MCOLN2: variants seen among roughly 807,000 people sequenced by gnomAD.
MCOLN2 encodes mucolipin TRP cation channel 2.
A neutral mutation model predicts 67.5 loss-of-function variants in MCOLN2; 57 were observed. The observed-to-expected ratio is 0.84, with a 90% confidence interval of 0.68 to 1.05. The LOEUF (loss-of-function observed/expected upper bound fraction) is 1.05, where lower values mean the gene tolerates loss of function less well. Among genes scored for constraint, MCOLN2 ranks in the 50% least tolerant of loss-of-function variants. MCOLN2 has a pLI of 0.00. For synonymous variants in MCOLN2, 246 were observed against 233.3 expected, an observed-to-expected ratio of 1.05 and a Z score of -0.50; for missense variants, 620 against 678.8, an observed-to-expected ratio of 0.91 and a Z score of 0.96.
chr1:84,976,043 T>C (rs933045632), intron 1 of MCOLN2, among the ~76,000 whole-genome samples: 2 of 151,552 alleles, frequency 1.3e-5, no homozygotes, highest in Non-Finnish European at 2.9e-5. Context: ...ATCCAGGAAA[T>C]AGCCTCAAAA....
At position 84,926,720 on chromosome 1, in the gene MCOLN2, T is replaced by A; in HGVS notation, c.1666A>T (p.Lys556Ter). 1.3e-6 allele frequency: 2 copies of A among 1,593,948 alleles called. No individual in the cohort carries two copies. The highest frequency in any genetic ancestry group is 1.7e-6 in the Non-Finnish European group (2 of 1,167,630). The change falls in exon 14 of 14, where the codon AAA becomes TAA. Residue 556 changes from lysine to a stop codon, truncating the protein, a stop_gained and splice_region_variant. Transcript: ENST00000370608. LOFTEE classifies it high-confidence loss of function. Reference protein sequence around the residue: ...FLSCICCRRRKRSDDHLIPIS With the variant: ...FLSCICCRRR The stretch of plus-strand genomic sequence containing the variant: ...GGTATCAAGTGATCATCACTTCTTT[T>A]CCTGTAACAGAAAGGGAAAGAAGAA...
At chr1:84,947,265 G>A (rs916151845) in intron 6 of MCOLN2, 133 bp from the exon 7 acceptor site, 2 of 595,840 alleles carry the variant, frequency 3.4e-6, no homozygotes, top group Non-Finnish European at 6.1e-6. Context: ...CAGCAAAATG[G>A]CTGACTAGAA....
intron 7 of MCOLN2, among the ~76,000 whole-genome samples, chr1:84,942,013 G>C (rs2102818270): frequency 6.6e-6 from 1 of 152,248 alleles, no homozygotes; most frequent in Middle Eastern, 3.4e-3. Context: ...CAGCCACACT[G>C]ATCTTCCTTC....
At chr1:84,977,212 G>A (rs1404107178) in intron 1 of MCOLN2, among the ~76,000 whole-genome samples, 1 of 151,936 alleles carries the variant, frequency 6.6e-6, no homozygotes, top group African/African-American at 2.4e-5. Flanking sequence ...GTATTTACAA[G>A]CCTCATGGTA....
At chr1:84,954,053 T>C (rs1023144458) in intron 4 of MCOLN2, among the ~76,000 whole-genome samples, 1 of 152,380 alleles carries the variant, frequency 6.6e-6, no homozygotes, top group African/African-American at 2.4e-5. Context: ...TTTGCTTATT[T>C]ATCCTTCCAA....
intron 1 of MCOLN2, among the ~76,000 whole-genome samples, chr1:84,981,324 A>G (rs1342791586): frequency 3.3e-5 from 5 of 152,214 alleles, no homozygotes; most frequent in Non-Finnish European, 7.3e-5. Flanking sequence ...AAAATAAAGG[A>G]AATCAGTAAT....
intron 1 of MCOLN2, among the ~76,000 whole-genome samples, chr1:84,990,306 A>T (rs1390973208): frequency 1.4e-5 from 2 of 143,894 alleles, no homozygotes; most frequent in African/African-American, 5.4e-5. Flanking sequence ...TCAAAAAAAA[A>T]AAAAAAAAAA....
At chr1:84,931,317 G>T in intron 12 of MCOLN2, 45 bp downstream of exon 12, 1 of 1,107,306 alleles carries the variant, frequency 9.0e-7, no homozygotes, top group Non-Finnish European at 1.4e-6. Flanking sequence ...AATCTATATA[G>T]AATTTGCAGT....
At position 84,988,380 on chromosome 1, in the gene MCOLN2, G is replaced by A. The variant is rs574171536; in HGVS notation, c.77+8416C>T. Among the ~76,000 whole-genome samples, 133 of 152,094 alleles carry A rather than the reference G, an allele frequency of 8.7e-4. 4 individuals are homozygous for A. Among genetic ancestry groups the A allele is most frequent in the South Asian group, 6.6e-3 (32 of 4,816 alleles). ...CTGAGGATTTTTAAAATATTTCAGC[G>A]CTTGCCTCTCAGCCCCAAGACATTC... On this transcript the variant is annotated intron_variant, in intron 1 of 13. Transcript: ENST00000370608.
chr1:84,980,443 A>G (rs1457417890), intron 1 of MCOLN2, among the ~76,000 whole-genome samples: 1 of 152,182 alleles, frequency 6.6e-6, no homozygotes, highest in African/African-American at 2.4e-5. Context: ...CCAAAACAGC[A>G]TGGTATTACA....
chr1:84,973,108 A>G (rs986973404), intron 1 of MCOLN2, among the ~76,000 whole-genome samples: 9 of 152,350 alleles, frequency 5.9e-5, no homozygotes, highest in African/African-American at 2.2e-4. Context: ...TTTAGAAAAT[A>G]GAGAAGTAAA....
rs554247093 is a variant in MCOLN2, at chr1:84,997,039, C to T, written c.-167G>A. The stretch of plus-strand genomic sequence containing the variant: ...TGCCGGCCGCGTGGTGCGCGCAGAC[C>T]CCGGCCCGAGAGCAGGCGCCGCAGT... On this transcript the variant is annotated 5_prime_UTR_variant, in exon 1 of 14. Coordinates refer to ENST00000370608, the MANE Select transcript of MCOLN2 (RefSeq NM_153259.4). 6.3e-6 allele frequency: 4 copies of T among 630,650 alleles called. No individual in the cohort carries two copies. The East Asian group carries it at 1.1e-4, about 18-fold the overall frequency. The allele number at this position is 630,650 out of a possible 1,614,324, so 39.1% of individuals were successfully genotyped here.
chr1:84,996,880 C>G lies in MCOLN2; in HGVS notation c.-8G>C. The stretch of plus-strand genomic sequence containing the variant: ...ATAAGGCTGCCGGGCCATGCCTCCT[C>G]CTTCAAAACTTTCCAGGGCTCTCGG... On this transcript the variant is annotated 5_prime_UTR_variant, in exon 1 of 14. Coordinates refer to ENST00000370608, the MANE Select transcript of MCOLN2 (RefSeq NM_153259.4). The G allele has an allele frequency of 6.2e-7, 1 of 1,613,752 alleles. No individual in the cohort carries two copies. The highest frequency in any genetic ancestry group is 1.1e-5 in the South Asian group (1 of 91,066).
At chr1:84,972,378 G>A (rs1649743621) in intron 1 of MCOLN2, among the ~76,000 whole-genome samples, 1 of 152,106 alleles carries the variant, frequency 6.6e-6, no homozygotes, top group South Asian at 2.1e-4. Context: ...ATTTTTATAA[G>A]CTTAATAATG....
chr1:84,972,722 G>T (rs1385752777), intron 1 of MCOLN2, among the ~76,000 whole-genome samples: 1 of 152,172 alleles, frequency 6.6e-6, no homozygotes, highest in African/African-American at 2.4e-5. Context: ...ATGATCAAGG[G>T]CAATTTCAGC....
intron 2 of MCOLN2, among the ~76,000 whole-genome samples, chr1:84,965,081 G>C (rs796952331): frequency 6.6e-6 from 1 of 152,114 alleles, no homozygotes; most frequent in Non-Finnish European, 1.5e-5. Context: ...TCAATAATAC[G>C]AACTTGAACA....
chr1:84,966,483 G>C (rs1374663589), intron 1 of MCOLN2, among the ~76,000 whole-genome samples: 3 of 152,068 alleles, frequency 2.0e-5, no homozygotes, highest in East Asian at 1.9e-4. Flanking sequence ...TGATACTCCA[G>C]GTATGACATT....
intron 6 of MCOLN2, 76 bp downstream of exon 6, chr1:84,952,167 G>T: frequency 3.3e-6 from 3 of 903,208 alleles, no homozygotes; most frequent in Non-Finnish European, 5.2e-6. Context: ...GTAGGCTGCT[G>T]TGTTTTATAC....
chr1:84,938,348 A>G (rs942754362), intron 9 of MCOLN2, among the ~76,000 whole-genome samples: 1 of 152,208 alleles, frequency 6.6e-6, no homozygotes, highest in African/African-American at 2.4e-5. Context: ...AGGTTGAACT[A>G]AATTTTTTTC....
Sources: gnomAD v4.1 joint callset for allele counts (sites outside exome capture counted in the v4.1 genomes callset) on GRCh38, gnomAD v4.1.1 for gene constraint, MANE v1.5 for transcripts, NCBI Gene and HGNC (gene_info 2026-07-23, HGNC 2026-07-21) for gene names.